The following GRM8 variants were observed in gnomAD, a reference collection of about 807,000 sequenced individuals.
GRM8 encodes the protein metabotropic glutamate receptor 8.
GRM8 carries 47 observed loss-of-function variants against 87.2 expected under a neutral mutation model. The ratio of observed to expected loss-of-function variants is 0.54; its 90% CI spans 0.43 to 0.69. The LOEUF is 0.69. Among genes scored for constraint, GRM8 ranks in the 30% least tolerant of loss-of-function variants. The probability of loss-of-function intolerance (pLI) is 0.00; values close to 1 mark genes in which losing one functional copy is unlikely to be tolerated. For synonymous variants in GRM8, 396 were observed against 404.5 expected (o/e 0.98, Z 0.25); for missense variants, 1,019 against 1,139.2 (o/e 0.89, Z 1.52).
intron 7 of GRM8, among the ~76,000 whole-genome samples, chr7:126,751,296 A>G (rs1002396453): frequency 1.7e-5 from 1 of 58,794 alleles, no homozygotes; most frequent in Non-Finnish European, 5.5e-5. Flanking sequence ...TTCTTTTTTG[A>G]AAAAAAAGAA....
chr7:126,547,926 C>T (rs1432506128), intron 8 of GRM8, among the ~76,000 whole-genome samples: 1 of 149,266 alleles, frequency 6.7e-6, no homozygotes, highest in African/African-American at 2.5e-5. Flanking sequence ...ATGTGCTGAA[C>T]CTAAATAAGA....
chr7:126,660,111 C>A (rs7777238), intron 7 of GRM8, among the ~76,000 whole-genome samples: 6,176 of 152,168 alleles, frequency 0.041, 425 homozygotes, highest in African/African-American at 0.14. Context: ...GATCTCTGTG[C>A]TGCAACTACA....
intron 3 of GRM8, among the ~76,000 whole-genome samples, chr7:126,980,208 T>G (rs765294164): frequency 6.6e-6 from 1 of 152,194 alleles, no homozygotes; most frequent in Non-Finnish European, 1.5e-5. Flanking sequence ...CAATCCCTTG[T>G]CTAACTACTG....
intron 6 of GRM8, among the ~76,000 whole-genome samples, chr7:126,802,901 T>C (rs1822883769): frequency 6.6e-6 from 1 of 152,204 alleles, no homozygotes; most frequent in Non-Finnish European, 1.5e-5. Context: ...ATGGTGTTCA[T>C]TCACATAATC....
chr7:126,940,262 T>C (rs1806769933), intron 3 of GRM8, among the ~76,000 whole-genome samples: 1 of 152,242 alleles, frequency 6.6e-6, no homozygotes, highest in Non-Finnish European at 1.5e-5. Flanking sequence ...ATCTTTATTT[T>C]TTAAATAATC....
intron 7 of GRM8, among the ~76,000 whole-genome samples, chr7:126,697,034 T>C (rs1029863489): frequency 6.6e-6 from 1 of 151,686 alleles, no homozygotes; most frequent in African/African-American, 2.4e-5. Flanking sequence ...AGAATACTGT[T>C]CAGCCTTTAA....
intron 8 of GRM8, among the ~76,000 whole-genome samples, chr7:126,546,448 G>A (rs1215463915): frequency 1.3e-5 from 2 of 152,150 alleles, no homozygotes; most frequent in East Asian, 1.9e-4. Context: ...AAAGGGAGCA[G>A]AGGAGATAGG....
intron 2 of GRM8, among the ~76,000 whole-genome samples, chr7:127,186,279 T>C (rs1012423574): frequency 6.6e-6 from 1 of 152,206 alleles, no homozygotes; most frequent in Non-Finnish European, 1.5e-5. Flanking sequence ...CATATGAATG[T>C]TCAAACCAAG....
At chr7:126,980,586 C>T (rs1266718839) in intron 3 of GRM8, among the ~76,000 whole-genome samples, 1 of 152,204 alleles carries the variant, frequency 6.6e-6, no homozygotes, top group African/African-American at 2.4e-5. Flanking sequence ...CAAACTTTAA[C>T]TTTTCAATCA....
At chr7:127,016,256 T>A (rs767882821) in intron 3 of GRM8, among the ~76,000 whole-genome samples, 5 of 152,218 alleles carry the variant, frequency 3.3e-5, no homozygotes, top group Non-Finnish European at 7.4e-5. Context: ...TGAGGCACTA[T>A]TCCTCCCACG....
intron 7 of GRM8, among the ~76,000 whole-genome samples, chr7:126,719,225 T>C (rs773423835): frequency 7.2e-6 from 1 of 138,554 alleles, no homozygotes; most frequent in Non-Finnish European, 1.5e-5. Context: ...TAAAAGTATT[T>C]TGCATAATTT....
chr7:127,024,311 T>C (rs901901695), intron 3 of GRM8, among the ~76,000 whole-genome samples: 2 of 152,120 alleles, frequency 1.3e-5, no homozygotes, highest in South Asian at 4.1e-4. Flanking sequence ...AATATTTTAA[T>C]AGCAATTATT....
intron 2 of GRM8, chr7:127,215,363 G>T (rs1222662346): frequency 6.6e-6 from 1 of 152,150 alleles, no homozygotes; most frequent in Non-Finnish European, 1.5e-5. Context: ...TTTGCCAAAT[G>T]GATTTTTCTA....
intron 9 of GRM8, among the ~76,000 whole-genome samples, chr7:126,508,781 T>C (rs978871794): frequency 1.3e-5 from 2 of 152,034 alleles, no homozygotes; most frequent in African/African-American, 4.8e-5. Flanking sequence ...CTAGCATGTG[T>C]TTTGAAGAAT....
chr7:127,157,703 C>T (rs1488234345), intron 2 of GRM8, among the ~76,000 whole-genome samples: 1 of 151,936 alleles, frequency 6.6e-6, no homozygotes, highest in Non-Finnish European at 1.5e-5. Flanking sequence ...TGCAGCCTAA[C>T]CAAGTATTAA....
intron 6 of GRM8, among the ~76,000 whole-genome samples, chr7:126,785,934 C>A (rs527280568): frequency 1.3e-5 from 2 of 152,236 alleles, no homozygotes; most frequent in South Asian, 4.1e-4. Flanking sequence ...TAACTATGAT[C>A]TCCTTGTGTC....
intron 2 of GRM8, among the ~76,000 whole-genome samples, chr7:127,119,177 T>C (rs1365346461): frequency 6.6e-6 from 1 of 151,960 alleles, no homozygotes; most frequent in Middle Eastern, 3.2e-3. Flanking sequence ...CAACAGGCGA[T>C]GGGGAGCAGA....
At chr7:127,099,904 G>A (rs1003495388) in intron 3 of GRM8, among the ~76,000 whole-genome samples, 5 of 152,122 alleles carry the variant, frequency 3.3e-5, no homozygotes, top group Admixed American at 1.3e-4. Context: ...GTCATACTGG[G>A]GTAGAGTGGG....
At position 127,133,275 on chromosome 7, in the gene GRM8, G is replaced by A. The variant is rs189439202; in HGVS notation, c.511-26563C>T. Among the ~76,000 whole-genome samples, 94 of 151,992 alleles carry A rather than the reference G, an allele frequency of 6.2e-4. 2 individuals carry two copies. In the East Asian group the frequency reaches 0.014, roughly 23 times the overall value. On this transcript the variant is annotated intron_variant, in intron 2 of 10. Transcript: ENST00000339582. ...TCTACTAAAAATACAAAAATTAGCC[G>A]GGCATGGTGGCGGGTGCCTGTAATC... is the stretch of plus-strand genomic sequence containing the variant.
Sources: allele counts gnomAD v4.1 joint callset (sites outside exome capture counted in the v4.1 genomes callset), GRCh38; gene constraint gnomAD v4.1.1; transcripts MANE v1.5; gene names NCBI Gene and HGNC (gene_info 2026-07-23, HGNC 2026-07-21).